MTNR1B: variants seen among roughly 807,000 people sequenced by gnomAD.
The protein encoded by MTNR1B is melatonin receptor type 1B.
In MTNR1B, 7 loss-of-function variants were observed where a neutral mutation model predicts 7.0. The observed-to-expected ratio is 1.00, with a 90% CI of 0.57 to 1.88. The LOEUF is 1.88. MTNR1B is among the 40% of genes most tolerant of loss of function. MTNR1B has a pLI of 0.00. For synonymous variants in MTNR1B, 226 were observed against 208.2 expected, an observed-to-expected ratio of 1.09 and a Z score of -0.74; for missense variants, 478 against 486.5, an observed-to-expected ratio of 0.98 and a Z score of 0.16.
intron 1 of MTNR1B, among the ~76,000 whole-genome samples, chr11:92,980,377 T>C (rs751262269): frequency 6.6e-6 from 1 of 152,362 alleles, no homozygotes; most frequent in Non-Finnish European, 1.5e-5. Flanking sequence ...AATGAGAAGA[T>C]TGGCATTAGT....
intron 1 of MTNR1B, among the ~76,000 whole-genome samples, chr11:92,971,680 T>G (rs1857925906): frequency 6.6e-6 from 1 of 152,166 alleles, no homozygotes; most frequent in African/African-American, 2.4e-5. Context: ...TAATTTGGAT[T>G]GCCCACCATG....
rs1562444 is a variant in MTNR1B at position 92,982,683 on chromosome 11, G to A, written c.*371G>A. ...GCTGCTTTCTCCCCTTCCCCCCAGC[G>A]TGGCAGGATCTCTTCCTGTTAGCAA... On this transcript the variant is annotated 3_prime_UTR_variant, in exon 2 of 2. Transcript: ENST00000257068. 0.55 allele frequency: 144,215 copies of A among 261,800 alleles called. 40,745 individuals carry two copies. Among genetic ancestry groups the A allele is most frequent in the South Asian group, 0.7 (8,092 of 11,492 alleles). 16.2% of individuals were successfully genotyped at this position (261,800 alleles called of 1,614,324 possible). A position where few individuals can be genotyped will look rare whatever the true frequency, so the allele number is the denominator to read the frequency against.
At chr11:92,972,491 A>G (rs1052615786) in intron 1 of MTNR1B, 1 of 455,812 alleles carries the variant, frequency 2.2e-6, no homozygotes. Context: ...CTGTTGCTGC[A>G]TGTGGTGGGT....
intron 1 of MTNR1B, among the ~76,000 whole-genome samples, chr11:92,976,577 ACTCT>A (rs1210893229): frequency 1.3e-5 from 2 of 152,044 alleles, no homozygotes; most frequent in African/African-American, 4.8e-5. Flanking sequence ...CCTAAGCGCC[ACTCT>A]CTATCTCCTT....
At chr11:92,983,216 A>C (rs1471852779), downstream of MTNR1B, among the ~76,000 whole-genome samples, 4 of 152,128 alleles carry the variant, frequency 2.6e-5, no homozygotes, top group African/African-American at 9.7e-5. Context: ...TTTTGTTATT[A>C]TTATAACTAC....
intron 1 of MTNR1B, among the ~76,000 whole-genome samples, chr11:92,974,334 C>T (rs193201409): frequency 4.9e-4 from 74 of 152,342 alleles, no homozygotes; most frequent in Admixed American, 1.7e-3. Context: ...TGCCTGCTGC[C>T]AGCCACATAA....
At chr11:92,980,914 A>C (rs1858092895) in intron 1 of MTNR1B, among the ~76,000 whole-genome samples, 2 of 152,352 alleles carry the variant, frequency 1.3e-5, no homozygotes, top group Non-Finnish European at 1.5e-5. Context: ...CACATTTACA[A>C]AACCCATGTA....
intron 1 of MTNR1B, among the ~76,000 whole-genome samples, chr11:92,971,208 G>C (rs528026030): frequency 8.5e-5 from 13 of 152,066 alleles, no homozygotes; most frequent in African/African-American, 3.1e-4. Flanking sequence ...TGATCCACCC[G>C]CCTCGGCCTC....
chr11:92,971,085 G>A (rs983868567), intron 1 of MTNR1B, among the ~76,000 whole-genome samples: 1 of 151,890 alleles, frequency 6.6e-6, no homozygotes, highest in Non-Finnish European at 1.5e-5. Context: ...TCAGCCTCCC[G>A]AGTAGCTGGG....
chr11:92,984,906 G>A (rs1390067367), downstream of MTNR1B: 1 of 456,264 alleles, frequency 2.2e-6, no homozygotes, highest in Admixed American at 2.3e-5. Flanking sequence ...ACCTCATGCT[G>A]TGGGCCCTGA....
downstream of MTNR1B, chr11:92,984,914 T>A: frequency 2.2e-6 from 1 of 456,262 alleles, no homozygotes; most frequent in Non-Finnish European, 4.4e-6. Flanking sequence ...CTGTGGGCCC[T>A]GATTGTAAAT....
At position 92,982,053 on chromosome 11, in the gene MTNR1B, AC is replaced by A. The variant is rs1266515153; in HGVS notation, c.835del (p.Gln279LysfsTer25). On this transcript the variant is annotated frameshift_variant, in exon 2 of 2. Coordinates refer to ENST00000257068, the MANE Select transcript of MTNR1B (RefSeq NM_005959.5). LOFTEE classifies it low-confidence loss of function (END_TRUNC). ...LNCIGLAVAINPQEMAPQIPE... is the reference protein window; with the variant it reads ...LNCIGLAVAIXPQEMAPQIPE... ...TGCATCGGCCTCGCTGTGGCCATCAACCCCCAAGAAATGGCTCCCCAGATCC... is the reference window on the plus strand; with the variant it reads ...TGCATCGGCCTCGCTGTGGCCATCAACCCCAAGAAATGGCTCCCCAGATCC... The A allele has an allele frequency of 6.2e-7, 1 of 1,614,084 alleles. No individual in the cohort carries two copies. Among genetic ancestry groups the A allele is most frequent in the South Asian group, 1.1e-5 (1 of 91,076 alleles).
At chr11:92,976,940 A>G (rs1031301792) in intron 1 of MTNR1B, among the ~76,000 whole-genome samples, 1 of 152,236 alleles carries the variant, frequency 6.6e-6, no homozygotes, top group African/African-American at 2.4e-5. Context: ...AATGGAGTCC[A>G]TTTATGTAAA....
At position 92,971,173 on chromosome 11, in the gene MTNR1B, C is replaced by A. The variant is rs1344090524; in HGVS notation, c.223+1225C>A. Among the ~76,000 whole-genome samples, 16 of 151,846 alleles carry A rather than the reference C, an allele frequency of 1.1e-4. 1 individual carries two copies. Among genetic ancestry groups the A allele is most frequent in the African/African-American group, 3.9e-4 (16 of 41,214 alleles). ...ACAGTATTTCACCATGTTGGCCAGG[C>A]TGGTCTCGAACTCCTGACCTCAAGT... On this transcript the variant is annotated intron_variant, in intron 1 of 1. Transcript: ENST00000257068.
In MTNR1B at chr11:92,969,663, G is replaced by A. The variant is rs556984450; in HGVS notation, c.-63G>A. The A allele has an allele frequency of 2.1e-5, 29 of 1,369,660 alleles. No individual in the cohort carries two copies. The South Asian group carries it at 4.6e-4, about 22-fold the overall frequency. 84.8% of individuals were successfully genotyped at this position (1,369,660 alleles called of 1,614,324 possible). ...GGAAGAGAGCGCCCGGCTCAGTACT[G>A]CGCGCGCCCTGCGGCTGTCCGGGGC... On this transcript the variant is annotated 5_prime_UTR_variant, in exon 1 of 2. Transcript: ENST00000257068.
At chr11:92,979,244 A>G (rs1311327487) in intron 1 of MTNR1B, among the ~76,000 whole-genome samples, 1 of 152,182 alleles carries the variant, frequency 6.6e-6, no homozygotes, top group Non-Finnish European at 1.5e-5. Context: ...TTCTCAGGAG[A>G]CAAGGGTTCC....
Position 92,982,437 on chromosome 11 carries a change from TG to T in MTNR1B, c.*130del, listed in dbSNP as rs1858127814. On this transcript the variant is annotated 3_prime_UTR_variant, in exon 2 of 2. Coordinates refer to ENST00000257068, the MANE Select transcript of MTNR1B (RefSeq NM_005959.5). Reference sequence around the variant, plus strand: ...CCTGTTGGCATCACAGCCCCAAGGCTGGGGGAACTTCATGCTGGGACAAGCA... The same window carrying T: ...CCTGTTGGCATCACAGCCCCAAGGCTGGGGAACTTCATGCTGGGACAAGCA... 4.2e-6 allele frequency: 5 copies of T among 1,197,690 alleles called. No individual in the cohort carries two copies. The highest frequency in any genetic ancestry group is 5.7e-6 in the Non-Finnish European group (5 of 876,678). The allele number at this position is 1,197,690 out of a possible 1,614,324, so 74.2% of individuals were successfully genotyped here. A position where few individuals can be genotyped will look rare whatever the true frequency, so the allele number is the denominator to read the frequency against.
chr11:92,976,370 C>T (rs968577876), intron 1 of MTNR1B, among the ~76,000 whole-genome samples: 68 of 152,184 alleles, frequency 4.5e-4, no homozygotes, highest in African/African-American at 1.6e-3. Flanking sequence ...CACATCTTAT[C>T]TCACAGGGAT....
intron 1 of MTNR1B, among the ~76,000 whole-genome samples, chr11:92,971,494 A>C (rs1019128868): frequency 6.6e-6 from 1 of 152,200 alleles, no homozygotes; most frequent in Non-Finnish European, 1.5e-5. Flanking sequence ...TATTTTTGAC[A>C]CATTGTCCCT....
Sources: gnomAD v4.1 joint callset for allele counts (sites outside exome capture counted in the v4.1 genomes callset) on GRCh38, gnomAD v4.1.1 for gene constraint, MANE v1.5 for transcripts, NCBI Gene and HGNC (gene_info 2026-07-23, HGNC 2026-07-21) for gene names.